The following PNCK variants were observed in gnomAD, a reference collection of about 807,000 sequenced individuals.
PNCK encodes pregnancy up-regulated nonubiquitous CaM kinase.
A neutral mutation model predicts 28.3 loss-of-function variants in PNCK; 21 were observed. The observed-to-expected ratio is 0.74, with a 90% CI of 0.53 to 1.07. The LOEUF is 1.07. Among genes scored for constraint, PNCK ranks in the 50% least tolerant of loss-of-function variants. The probability of loss-of-function intolerance (pLI) is 0.00; values close to 1 mark genes in which losing one functional copy is unlikely to be tolerated. For synonymous variants in PNCK, 136 were observed against 125.2 expected (o/e 1.09, Z -0.58); for missense variants, 250 against 298.3 (o/e 0.84, Z 1.19).
In PNCK at chrX:153,670,015, C is replaced by T. The variant is rs1394541179; in HGVS notation, c.*123G>A. On this transcript the variant is annotated 3_prime_UTR_variant, in exon 12 of 12. Coordinates refer to ENST00000340888, the MANE Select transcript of PNCK (RefSeq NM_001366977.1). The stretch of plus-strand genomic sequence containing the variant: ...CCAACCCCAGCGCCATGCGCCACAC[C>T]CTCAAATCTCAAAATCCAGCAGAGG... 1.4e-5 allele frequency: 4 copies of T among 282,702 alleles called. No individual in the cohort carries two copies. Among genetic ancestry groups the T allele is most frequent in the African/African-American group, 8.4e-5 (3 of 35,831 alleles). 23.3% of individuals were successfully genotyped at this position (282,702 alleles called of 1,213,427 possible).
chrX:153,674,077 C>T (rs782613691), upstream of PNCK: 424 of 1,208,083 alleles, frequency 3.5e-4, 1 homozygote, highest in Middle Eastern at 6.9e-4. Flanking sequence ...GAGAGCTCTT[C>T]GGCCACAGGT....
At chrX:153,687,415 C>G in intron 1 of PNCK, 1 of 328,548 alleles carries the variant, frequency 3.0e-6, no homozygotes, top group Admixed American at 3.1e-5. Flanking sequence ...ACTGTGGAGA[C>G]ACAGAGGCCT....
chrX:153,672,057 C>G, intron 4 of PNCK, 39 bp from the exon 5 acceptor site: 1 of 1,204,047 alleles, frequency 8.3e-7, no homozygotes, highest in Non-Finnish European at 1.1e-6. Flanking sequence ...AGGCACTCAG[C>G]CTGGCCTTCA....
rs138838865 is a variant in PNCK, at chrX:153,673,451, C to T, written c.-3+329G>A. On this transcript the variant is annotated intron_variant, in intron 1 of 11. Coordinates refer to ENST00000340888, the MANE Select transcript of PNCK (RefSeq NM_001366977.1). ...CCCAAGCCCCCACCCCCGCCTAGACCCGCCACCCATGGCACAGCGCCCACA... is the reference window on the plus strand; with the variant it reads ...CCCAAGCCCCCACCCCCGCCTAGACTCGCCACCCATGGCACAGCGCCCACA... 3,522 of 531,575 alleles carry T rather than the reference C, an allele frequency of 6.6e-3. 131 individuals are homozygous for T. The African/African-American group carries it at 0.077, about 12-fold the overall frequency. The allele number at this position is 531,575 out of a possible 1,213,427, so 43.8% of individuals were successfully genotyped here.
rs2091300564 is a variant in PNCK at position 153,671,562 on chromosome X, G to T, written c.525C>A (p.Thr175=). Residue 175 remains threonine, a synonymous_variant, in exon 6 of 12, where the codon ACC becomes ACA. Transcript: ENST00000340888. ...AGNMLGTACG[T]PGYVAPELLE... is the part of the protein sequence containing the mutation. ...GTCGTCCCTCACCCACATATCCAGG[G>T]GTCCCACAGGCGGTGCCTAGCATGT... The T allele has an allele frequency of 8.3e-7, 1 of 1,210,300 alleles. No homozygotes were observed. Among genetic ancestry groups the T allele is most frequent in the Admixed American group, 2.2e-5 (1 of 45,841 alleles).
intron 1 of PNCK, 52 bp downstream of exon 1, chrX:153,673,728 A>G: frequency 1.4e-6 from 1 of 692,470 alleles, no homozygotes; most frequent in Non-Finnish European, 1.7e-6. Flanking sequence ...CGCGGGCCGG[A>G]TCCGGTGCGC....
chrX:153,677,727 AGTGTATATATAGT>A (rs200681943), upstream of PNCK, among the ~76,000 whole-genome samples: 11,336 of 97,271 alleles, frequency 0.12, 726 homozygotes, highest in African/African-American at 0.18. Context: ...GCATATATAT[AGTGTATATATAGT>A]GTGTATATAT....
At chrX:153,673,864 G>C, upstream of PNCK, 1 of 789,511 alleles carries the variant, frequency 1.3e-6, no homozygotes, top group South Asian at 6.4e-5. Flanking sequence ...CGCCCCCTCC[G>C]CGCACGCCCC....
At chrX:153,684,306 C>G (rs1243809143) in intron 1 of PNCK, among the ~76,000 whole-genome samples, 1 of 112,168 alleles carries the variant, frequency 8.9e-6, no homozygotes, top group South Asian at 3.7e-4. Flanking sequence ...CGCGCTTGTA[C>G]CCTCTCAATC....
At chrX:153,682,759 TG>T (rs1212901929) in intron 1 of PNCK, among the ~76,000 whole-genome samples, 1 of 112,511 alleles carries the variant, frequency 8.9e-6, no homozygotes, top group Non-Finnish European at 1.9e-5. Context: ...CTTTGTAATT[TG>T]TAATTCTCCC....
At chrX:153,677,466 T>C (rs1457610738), upstream of PNCK, among the ~76,000 whole-genome samples, 2 of 108,779 alleles carry the variant, frequency 1.8e-5, no homozygotes, top group African/African-American at 6.7e-5. Context: ...GTTCCTGGAG[T>C]ATTGCTGCTT....
chrX:153,673,053 C>CGTGTGT lies in PNCK; in HGVS notation c.18_23dup (p.His7_Thr8dup), dbSNP rs782004264. 4 of 1,197,582 alleles carry CGTGTGT rather than the reference C, an allele frequency of 3.3e-6. No individual in the cohort carries two copies. In the African/African-American group the frequency reaches 7.0e-5, roughly 21 times the overall value. ...TCTCGTAGACGCTGCTGATGTCCTC[C>CGTGTGT]GTGTGTTTCTTCAGCAGCAGCATGT... On this transcript the variant is annotated inframe_insertion, in exon 2 of 12. Transcript: ENST00000340888.
chrX:153,674,336 T>G, upstream of PNCK: 1 of 717,795 alleles, frequency 1.4e-6, no homozygotes, highest in Non-Finnish European at 1.9e-6. Flanking sequence ...GTCACCCTCC[T>G]GCAGCTCTCT....
rs1557040131 is a variant in PNCK, at chrX:153,672,034, G to A, written c.276-16C>T. The A allele has an allele frequency of 8.3e-7, 1 of 1,208,132 alleles. No homozygotes were observed. Among genetic ancestry groups the A allele is most frequent in the South Asian group, 1.8e-5 (1 of 56,480 alleles). On this transcript the variant is annotated splice_polypyrimidine_tract_variant and intron_variant, in intron 4 of 11. Coordinates refer to ENST00000340888, the MANE Select transcript of PNCK (RefSeq NM_001366977.1). The stretch of plus-strand genomic sequence containing the variant: ...ACCCGTCACCCTGGGGGTGCCAGGG[G>A]TTTGGCTGACCCAGGCACTCAGCCT...
rs368618313 is a variant in PNCK, at chrX:153,671,535, G to T, written c.538+14C>A. ...CACCCCACTCCCAGCAAGCCTCAGG[G>T]TGTCGTCCCTCACCCACATATCCAG... On this transcript the variant is annotated intron_variant, in intron 6 of 11. Coordinates refer to ENST00000340888, the MANE Select transcript of PNCK (RefSeq NM_001366977.1). 8.3e-7 allele frequency: 1 copy of T among 1,212,031 alleles called. No individual in the cohort carries two copies. Among genetic ancestry groups the T allele is most frequent in the African/African-American group, 1.7e-5 (1 of 57,906 alleles).
In PNCK at chrX:153,670,095, A is replaced by C; in HGVS notation, c.*43T>G. 3.4e-6 allele frequency: 1 copy of C among 295,541 alleles called. No individual in the cohort carries two copies. Among genetic ancestry groups the C allele is most frequent in the East Asian group, 7.9e-5 (1 of 12,580 alleles). The allele number at this position is 295,541 out of a possible 1,213,427, so 24.4% of individuals were successfully genotyped here. A position where few individuals can be genotyped will look rare whatever the true frequency, so the allele number is the denominator to read the frequency against. The stretch of plus-strand genomic sequence containing the variant: ...GGACCGAAAGCATCCAAGGGAAGGA[A>C]ATCTGGGGGTCAGTCCACTTGGCCT... On this transcript the variant is annotated 3_prime_UTR_variant, in exon 12 of 12. Transcript: ENST00000340888.
chrX:153,677,773 ATATATAGTGTG>A (rs1445998128), upstream of PNCK, among the ~76,000 whole-genome samples: 1 of 104,672 alleles, frequency 9.6e-6, no homozygotes. Flanking sequence ...TAGTGTGTAT[ATATATAGTGTG>A]TATATAGTGT....
At position 153,671,059 on chromosome X, in the gene PNCK, G is replaced by C. The variant is rs377267206; in HGVS notation, c.727+19C>G. The C allele has an allele frequency of 5.4e-5, 65 of 1,210,394 alleles. No individual in the cohort carries two copies. The African/African-American group carries it at 8.0e-4, about 15-fold the overall frequency. On this transcript the variant is annotated intron_variant, in intron 8 of 11. Transcript: ENST00000340888. The stretch of plus-strand genomic sequence containing the variant: ...ACTCCCTTGCATCACCTCCAAGCAC[G>C]GGCCAGCCTCAAGCTCACCTGATTC...
chrX:153,673,557 A>C, intron 1 of PNCK: 2 of 325,492 alleles, frequency 6.1e-6, no homozygotes, highest in Non-Finnish European at 4.8e-6. Context: ...GACCGCGGCC[A>C]CCCACGCGGC....
Sources: gnomAD v4.1 joint callset for allele counts (sites outside exome capture counted in the v4.1 genomes callset) on GRCh38, gnomAD v4.1.1 for gene constraint, MANE v1.5 for transcripts, NCBI Gene and HGNC (gene_info 2026-07-23, HGNC 2026-07-21) for gene names.